The following SGCZ variants were observed in gnomAD, a reference collection of about 807,000 sequenced individuals.
SGCZ encodes the protein zeta-sarcoglycan.
In SGCZ, 40 loss-of-function variants were observed where a neutral mutation model predicts 41.3. That is an observed-to-expected ratio of 0.97 (90% CI 0.75 to 1.26). The LOEUF (loss-of-function observed/expected upper bound fraction) is 1.26. SGCZ is among the 50% of genes most tolerant of loss of function. SGCZ has a pLI of 0.00. For synonymous variants in SGCZ, 206 were observed against 137.5 expected (o/e 1.50, Z -3.49); for missense variants, 552 against 369.8 (o/e 1.49, Z -4.04).
chr8:14,613,521 T>G (rs563966576), intron 1 of SGCZ, among the ~76,000 whole-genome samples: 1 of 152,140 alleles, frequency 6.6e-6, no homozygotes, highest in Non-Finnish European at 1.5e-5. Context: ...CTCTTGCAAA[T>G]AGTATTTTGT....
At chr8:14,328,095 T>A (rs181550344) in intron 2 of SGCZ, among the ~76,000 whole-genome samples, 2 of 152,330 alleles carry the variant, frequency 1.3e-5, no homozygotes, top group African/African-American at 4.8e-5. Flanking sequence ...TTTTCAAGGT[T>A]TTCCATATTA....
chr8:15,166,232 C>CTTTT (rs146755729), intron 1 of SGCZ, among the ~76,000 whole-genome samples: 1 of 145,260 alleles, frequency 6.9e-6, no homozygotes, highest in Admixed American at 7.0e-5. Context: ...ATGCTCAATC[C>CTTTT]TTTTTTTTTT....
Position 14,392,608 on chromosome 8 carries a change from T to C in SGCZ, c.235-68404A>G, listed in dbSNP as rs547975076. Among the ~76,000 whole-genome samples, 90 of 152,324 alleles carry C rather than the reference T, an allele frequency of 5.9e-4. 1 individual carries two copies. The highest frequency in any genetic ancestry group is 2.1e-3 in the African/African-American group (89 of 41,586). ...CTGCTTTGCACACTGGTACCAGGTC[T>C]ATTTTTATTCATTTTATAACATAGG... On this transcript the variant is annotated intron_variant, in intron 2 of 7. Transcript: ENST00000382080.
intron 1 of SGCZ, among the ~76,000 whole-genome samples, chr8:14,808,872 C>T (rs2130529772): frequency 6.6e-6 from 1 of 151,796 alleles, no homozygotes; most frequent in African/African-American, 2.4e-5. Flanking sequence ...AAATGTGGCA[C>T]ATATACACCA....
chr8:14,114,328 C>A (rs537438503), intron 5 of SGCZ, among the ~76,000 whole-genome samples: 4 of 151,904 alleles, frequency 2.6e-5, no homozygotes. Flanking sequence ...CAACATCCTG[C>A]GATGATTATC....
chr8:14,922,360 G>A (rs1329611324), intron 1 of SGCZ, among the ~76,000 whole-genome samples: 1 of 152,064 alleles, frequency 6.6e-6, no homozygotes, highest in African/African-American at 2.4e-5. Context: ...ACTCAGATGT[G>A]CTTACAGAAA....
intron 2 of SGCZ, among the ~76,000 whole-genome samples, chr8:14,440,936 G>C (rs1161197054): frequency 6.6e-6 from 1 of 151,948 alleles, no homozygotes; most frequent in Admixed American, 6.6e-5. Context: ...CTGTTAGTAA[G>C]TCTAAGAAAG....
At chr8:14,231,698 T>C (rs1274727954) in intron 4 of SGCZ, among the ~76,000 whole-genome samples, 1 of 152,160 alleles carries the variant, frequency 6.6e-6, no homozygotes, top group East Asian at 1.9e-4. Context: ...CTAGGCTCAA[T>C]GATTCTTTTA....
At chr8:14,759,737 T>A (rs1799801853) in intron 1 of SGCZ, among the ~76,000 whole-genome samples, 1 of 152,128 alleles carries the variant, frequency 6.6e-6, no homozygotes, top group Non-Finnish European at 1.5e-5. Flanking sequence ...TGTGACAGCT[T>A]TGGAAGTGTG....
intron 1 of SGCZ, among the ~76,000 whole-genome samples, chr8:14,624,745 A>G (rs1806398590): frequency 6.6e-6 from 1 of 150,764 alleles, no homozygotes; most frequent in South Asian, 2.1e-4. Context: ...TAATTTTTGT[A>G]TTTTTAGTAG....
intron 5 of SGCZ, among the ~76,000 whole-genome samples, chr8:14,123,292 AATT>A (rs1174764546): frequency 1.2e-4 from 19 of 152,180 alleles, no homozygotes; most frequent in African/African-American, 4.3e-4. Context: ...ATTGCCAATT[AATT>A]ATTCATTTGG....
At chr8:14,773,461 C>T (rs1016353311) in intron 1 of SGCZ, among the ~76,000 whole-genome samples, 2 of 152,142 alleles carry the variant, frequency 1.3e-5, no homozygotes, top group African/African-American at 4.8e-5. Context: ...AATACCATTA[C>T]GTATCCAGAT....
rs148863255 is a variant in SGCZ, at chr8:14,211,949, G to C, written c.424+25643C>G. Among the ~76,000 whole-genome samples the C allele has an allele frequency of 4.1e-4, 63 of 152,262 alleles. 1 individual carries two copies. Among genetic ancestry groups the C allele is most frequent in the Middle Eastern group, 3.4e-3 (1 of 294 alleles). On this transcript the variant is annotated intron_variant, in intron 4 of 7. Coordinates refer to ENST00000382080, the MANE Select transcript of SGCZ (RefSeq NM_139167.4). ...GCCACAGCTGTGCCATACCCAGAAA[G>C]TTCTGAATCTCAGTCCTGAGGTGGA...
At chr8:14,787,808 T>C (rs1415695481) in intron 1 of SGCZ, among the ~76,000 whole-genome samples, 1 of 151,822 alleles carries the variant, frequency 6.6e-6, no homozygotes, top group Non-Finnish European at 1.5e-5. Flanking sequence ...ATCTCATCAC[T>C]GCACTCCAGC....
intron 1 of SGCZ, among the ~76,000 whole-genome samples, chr8:14,893,963 T>C (rs1269700027): frequency 1.3e-5 from 2 of 152,186 alleles, no homozygotes; most frequent in Non-Finnish European, 2.9e-5. Context: ...CTATGCTGTT[T>C]GTAACACTTT....
At chr8:14,451,098 T>C (rs1800580107) in intron 2 of SGCZ, among the ~76,000 whole-genome samples, 2 of 152,142 alleles carry the variant, frequency 1.3e-5, no homozygotes, top group African/African-American at 4.8e-5. Flanking sequence ...AGTTAGGAAA[T>C]TATTCATCTC....
chr8:14,626,249 C>A (rs972642436), intron 1 of SGCZ, among the ~76,000 whole-genome samples: 5 of 151,932 alleles, frequency 3.3e-5, no homozygotes, highest in African/African-American at 1.2e-4. Context: ...AGCTACCAAC[C>A]CACCACCTAG....
At chr8:14,844,264 A>G (rs1054592821) in intron 1 of SGCZ, among the ~76,000 whole-genome samples, 1 of 152,072 alleles carries the variant, frequency 6.6e-6, no homozygotes, top group African/African-American at 2.4e-5. Flanking sequence ...ACAACGATTC[A>G]CTGTTATATA....
intron 1 of SGCZ, among the ~76,000 whole-genome samples, chr8:15,182,702 C>G (rs1032860275): frequency 6.6e-6 from 1 of 151,788 alleles, no homozygotes; most frequent in Non-Finnish European, 1.5e-5. Context: ...TATATACCAC[C>G]GTAGACTTTA....
Sources: allele counts gnomAD v4.1 joint callset (sites outside exome capture counted in the v4.1 genomes callset), GRCh38; gene constraint gnomAD v4.1.1; transcripts MANE v1.5; gene names NCBI Gene and HGNC (gene_info 2026-07-23, HGNC 2026-07-21).